Variants in SRSF12 observed in about 807,000 individuals in gnomAD.
SRSF12 encodes serine and arginine rich splicing factor 12.
Under a neutral mutation model 34.1 loss-of-function variants are expected in SRSF12, and 21 were observed. The observed-to-expected ratio is 0.62, with a 90% CI of 0.44 to 0.89. The LOEUF (loss-of-function observed/expected upper bound fraction) is 0.89, where lower values mean the gene tolerates loss of function less well. Ranked by LOEUF, SRSF12 falls within the 40% of genes least tolerant of loss-of-function variation. The pLI is 0.00. For missense variants in SRSF12, 278 were observed against 327.8 expected (o/e 0.85, Z 1.17); for synonymous variants, 111 against 110.8 (o/e 1.00, Z -0.01).
chr6:89,115,470 C>T (rs994236619), intron 1 of SRSF12, among the ~76,000 whole-genome samples: 10 of 151,834 alleles, frequency 6.6e-5, no homozygotes, highest in South Asian at 6.2e-4. Flanking sequence ...TTAGTACAGA[C>T]GGGGTTTCAC....
chr6:89,102,957 G>T (rs891466148), intron 4 of SRSF12, among the ~76,000 whole-genome samples: 4 of 152,072 alleles, frequency 2.6e-5, no homozygotes, highest in Admixed American at 1.3e-4. Context: ...AGACATGGGG[G>T]TCTCACTATG....
At chr6:89,103,331 CT>C (rs554480396) in intron 4 of SRSF12, among the ~76,000 whole-genome samples, 9,506 of 141,150 alleles carry the variant, frequency 0.067, 779 homozygotes, top group African/African-American at 0.21. Context: ...AATTTAAATT[CT>C]TTTTTTTTTT....
rs1435912133 is a variant in SRSF12 at position 89,097,097 on chromosome 6, T to TG, written c.*1480dup. The TG allele has an allele frequency of 6.6e-6, 1 of 152,192 alleles. No individual in the cohort carries two copies. The highest frequency in any genetic ancestry group is 1.5e-5 in the Non-Finnish European group (1 of 68,036). 9.4% of individuals were successfully genotyped at this position (152,192 alleles called of 1,614,324 possible). ...ATTGTTTAAGGTTGTTTCTTACATATGGGATCTAATATGCAAAGAAAACTG... is the reference window on the plus strand; with the variant it reads ...ATTGTTTAAGGTTGTTTCTTACATATGGGGATCTAATATGCAAAGAAAACTG... On this transcript the variant is annotated 3_prime_UTR_variant, in exon 5 of 5. Coordinates refer to ENST00000452027, the MANE Select transcript of SRSF12 (RefSeq NM_080743.5).
intron 4 of SRSF12, among the ~76,000 whole-genome samples, chr6:89,103,854 C>T (rs1367421492): frequency 1.3e-5 from 2 of 152,160 alleles, no homozygotes; most frequent in African/African-American, 4.8e-5. Flanking sequence ...TTTTCCCCTG[C>T]CCCCAAATTA....
At chr6:89,108,137 T>C (rs1441259604) in intron 1 of SRSF12, among the ~76,000 whole-genome samples, 1 of 152,204 alleles carries the variant, frequency 6.6e-6, no homozygotes, top group Non-Finnish European at 1.5e-5. Context: ...AGCCTGCTTA[T>C]GTGCCTTCTA....
chr6:89,111,841 T>C (rs993411274), intron 1 of SRSF12, among the ~76,000 whole-genome samples: 5 of 152,198 alleles, frequency 3.3e-5, no homozygotes, highest in Non-Finnish European at 7.3e-5. Flanking sequence ...TGTGTTTTTG[T>C]TTTTGGAGAC....
At chr6:89,105,624 T>A in intron 2 of SRSF12, 94 bp from the exon 3 acceptor site, 1 of 870,888 alleles carries the variant, frequency 1.1e-6, no homozygotes, top group Admixed American at 2.8e-5. Context: ...AATAGGAAAA[T>A]CAAGTTCAAG....
At chr6:89,108,199 TTCATCTTCATG>T (rs1768882578) in intron 1 of SRSF12, among the ~76,000 whole-genome samples, 1 of 152,188 alleles carries the variant, frequency 6.6e-6, no homozygotes, top group African/African-American at 2.4e-5. Flanking sequence ...CAGCATGATA[TTCATCTTCATG>T]GAGCTACAAT....
chr6:89,107,010 T>C (rs1768820288), intron 2 of SRSF12, 144 bp downstream of exon 2: 1 of 867,994 alleles, frequency 1.2e-6, no homozygotes, highest in Non-Finnish European at 1.9e-6. Context: ...CCAGCTACTG[T>C]GGACTGCTTT....
At chr6:89,099,884 G>A (rs937377935) in intron 4 of SRSF12, among the ~76,000 whole-genome samples, 56 of 152,042 alleles carry the variant, frequency 3.7e-4, no homozygotes, top group African/African-American at 1.2e-3. Flanking sequence ...ACAACTGTTC[G>A]AAGGCACTGG....
At chr6:89,107,083 C>A (rs899390929) in intron 2 of SRSF12, 71 bp downstream of exon 2, 2 of 1,286,464 alleles carry the variant, frequency 1.6e-6, no homozygotes, top group Non-Finnish European at 2.3e-6. Flanking sequence ...ATAACATATG[C>A]TACTGAATAC....
At chr6:89,106,359 C>T (rs1030468082) in intron 2 of SRSF12, among the ~76,000 whole-genome samples, 9 of 152,108 alleles carry the variant, frequency 5.9e-5, no homozygotes, top group Admixed American at 1.3e-4. Flanking sequence ...GTGATCCACC[C>T]GCCTCAGCCT....
At chr6:89,109,855 G>A (rs1429799891) in intron 1 of SRSF12, among the ~76,000 whole-genome samples, 1 of 152,196 alleles carries the variant, frequency 6.6e-6, no homozygotes, top group African/African-American at 2.4e-5. Flanking sequence ...ACTTTGGGAG[G>A]CCGAGGTGGG....
At chr6:89,113,845 G>A (rs1050800422) in intron 1 of SRSF12, among the ~76,000 whole-genome samples, 1 of 152,068 alleles carries the variant, frequency 6.6e-6, no homozygotes, top group Admixed American at 6.6e-5. Context: ...GTTTTGCTAT[G>A]TTTCCCTGGC....
rs185767754 is a variant in SRSF12, at chr6:89,097,044, T to C, written c.*1534A>G. ...TACAATATACATTAATTTATGGCAC[T>C]TGTCCAAATATTACCAGCATACAAA... is the stretch of plus-strand genomic sequence containing the variant. On this transcript the variant is annotated 3_prime_UTR_variant, in exon 5 of 5. Transcript: ENST00000452027. 31 of 152,332 alleles carry C rather than the reference T, an allele frequency of 2.0e-4. No individual in the cohort carries two copies. The highest frequency in any genetic ancestry group is 7.0e-4 in the African/African-American group (29 of 41,590). 9.4% of individuals were successfully genotyped at this position (152,332 alleles called of 1,614,324 possible).
intron 1 of SRSF12, among the ~76,000 whole-genome samples, chr6:89,110,815 T>C (rs1263326033): frequency 6.6e-6 from 1 of 152,070 alleles, no homozygotes; most frequent in Non-Finnish European, 1.5e-5. Context: ...CAAAAACATG[T>C]GTTAGAATTC....
chr6:89,115,141 A>G (rs947619880), intron 1 of SRSF12, among the ~76,000 whole-genome samples: 3 of 151,840 alleles, frequency 2.0e-5, no homozygotes, highest in African/African-American at 7.3e-5. Flanking sequence ...TCTGTCACCC[A>G]GGCTGGAGTA....
chr6:89,107,585 G>T (rs1427556595), intron 1 of SRSF12, among the ~76,000 whole-genome samples: 2 of 152,022 alleles, frequency 1.3e-5, no homozygotes, highest in East Asian at 3.9e-4. Context: ...ACAAAAATCA[G>T]CCAGGTGTGG....
chr6:89,117,746 G>T (rs1377690054), intron 1 of SRSF12, 77 bp downstream of exon 1: 4 of 1,407,840 alleles, frequency 2.8e-6, no homozygotes, highest in Admixed American at 5.9e-5. Context: ...CCTCCGCCGG[G>T]CCTCGGCCGT....
Sources: gnomAD v4.1 joint callset for allele counts (sites outside exome capture counted in the v4.1 genomes callset) on GRCh38, gnomAD v4.1.1 for gene constraint, MANE v1.5 for transcripts, NCBI Gene and HGNC (gene_info 2026-07-23, HGNC 2026-07-21) for gene names.